Variants in UGT1A6 observed in about 807,000 individuals in gnomAD.
The protein encoded by UGT1A6 is UDP-glucuronosyltransferase 1A6.
A neutral mutation model predicts 44.4 loss-of-function variants in UGT1A6; 32 were observed. That is an observed-to-expected ratio of 0.72 (90% CI 0.54 to 0.97). The LOEUF (loss-of-function observed/expected upper bound fraction) is 0.97, where lower values mean the gene tolerates loss of function less well. UGT1A6 is among the 50% of genes least tolerant of loss of function. The pLI, the probability that UGT1A6 is intolerant of heterozygous loss-of-function variation, is 0.00. For missense variants in UGT1A6, 685 were observed against 661.9 expected, an observed-to-expected ratio of 1.03 and a Z score of -0.38; for synonymous variants, 238 against 248.5, an observed-to-expected ratio of 0.96 and a Z score of 0.40.
chr2:233,747,622 T>G, intron 1 of UGT1A6: 6 of 1,577,576 alleles, frequency 3.8e-6, no homozygotes, highest in Non-Finnish European at 5.2e-6. Context: ...AATGAGGCCC[T>G]GATCAGGCAC....
At chr2:233,761,102 T>C (rs1487885628) in intron 1 of UGT1A6, 1 of 1,614,116 alleles carries the variant, frequency 6.2e-7, no homozygotes, top group Admixed American at 1.7e-5. Context: ...ATGCCCAATA[T>C]GGTTTTTGTT....
At chr2:233,700,772 A>G (rs940098875) in intron 1 of UGT1A6, among the ~76,000 whole-genome samples, 4 of 151,978 alleles carry the variant, frequency 2.6e-5, no homozygotes, top group Admixed American at 2.6e-4. Context: ...TGCACAACGT[A>G]CAGGTTTGTT....
chr2:233,697,064 T>C (rs2075372984), intron 1 of UGT1A6, among the ~76,000 whole-genome samples: 1 of 152,012 alleles, frequency 6.6e-6, no homozygotes, highest in Non-Finnish European at 1.5e-5. Context: ...CCTTGTCTGG[T>C]TTTGGTATCA....
intron 1 of UGT1A6, among the ~76,000 whole-genome samples, chr2:233,725,264 G>GGAGGCA (rs551912265): frequency 0.04 from 2,355 of 58,498 alleles, 627 homozygotes; most frequent in African/African-American, 0.084. Flanking sequence ...CAGAGGCAGA[G>GGAGGCA]GAGGCAGAGG....
chr2:233,764,867 GCC>G (rs779119414), intron 1 of UGT1A6, among the ~76,000 whole-genome samples: 19,818 of 152,112 alleles, frequency 0.13, 1,414 homozygotes, highest in East Asian at 0.2. Flanking sequence ...TTTTAGATGA[GCC>G]CAAGGGAAAA....
intron 1 of UGT1A6, chr2:233,752,621 T>A (rs1428833052): frequency 3.3e-5 from 5 of 152,162 alleles, no homozygotes; most frequent in Admixed American, 3.3e-4. Context: ...TAGCTAGGTG[T>A]GGTAGCTGTT....
At chr2:233,753,850 C>G (rs929195641) in intron 1 of UGT1A6, among the ~76,000 whole-genome samples, 1 of 152,312 alleles carries the variant, frequency 6.6e-6, no homozygotes, top group Non-Finnish European at 1.5e-5. Flanking sequence ...ATATCATTGA[C>G]CAACCACATA....
At chr2:233,748,802 C>G (rs1371204556) in intron 1 of UGT1A6, among the ~76,000 whole-genome samples, 1 of 151,284 alleles carries the variant, frequency 6.6e-6, no homozygotes, top group African/African-American at 2.5e-5. Context: ...CTGAAATTAT[C>G]AAGAAATTGT....
At chr2:233,724,731 AG>A (rs1324353802) in intron 1 of UGT1A6, among the ~76,000 whole-genome samples, 1 of 143,714 alleles carries the variant, frequency 7.0e-6, no homozygotes, top group Non-Finnish European at 1.5e-5. Context: ...AGCCAGGCAG[AG>A]GGGCTCCTCA....
chr2:233,752,759 A>G (rs942722882), intron 1 of UGT1A6, among the ~76,000 whole-genome samples: 3 of 152,242 alleles, frequency 2.0e-5, no homozygotes, highest in African/African-American at 7.2e-5. Context: ...ACAAACAAAC[A>G]AACAAACAAA....
At chr2:233,744,012 G>A (rs541267003) in intron 1 of UGT1A6, 46 of 1,089,708 alleles carry the variant, frequency 4.2e-5, no homozygotes, top group Non-Finnish European at 4.8e-5. Context: ...GACCTGGGCC[G>A]CCTGGAGAGA....
At chr2:233,697,683 TC>T (rs1346047688) in intron 1 of UGT1A6, among the ~76,000 whole-genome samples, 1 of 152,134 alleles carries the variant, frequency 6.6e-6, no homozygotes. Context: ...TCAAAATATT[TC>T]TGCTTTTTGG....
intron 1 of UGT1A6, among the ~76,000 whole-genome samples, chr2:233,764,386 G>A (rs141556907): frequency 3.9e-5 from 6 of 152,290 alleles, no homozygotes; most frequent in Non-Finnish European, 7.4e-5. Context: ...GGAGTTGGCC[G>A]TGATGACAAC....
chr2:233,693,087 A>G lies in UGT1A6; in HGVS notation c.83A>G (p.Lys28Arg). 1 of 1,614,160 alleles carries G rather than the reference A, an allele frequency of 6.2e-7. No homozygotes were observed. The highest frequency in any genetic ancestry group is 1.1e-5 in the South Asian group (1 of 91,064). ...CTTTGGGGCATGGTTGTAGGTGACAAGCTGCTGGTGGTCCCTCAGGACGGA... is the reference window on the plus strand; with the variant it reads ...CTTTGGGGCATGGTTGTAGGTGACAGGCTGCTGGTGGTCCCTCAGGACGGA... ...LALWGMVVGD[K>R]LLVVPQDGSH... The change falls in exon 1 of 5, where the codon AAG becomes AGG. Residue 28 changes from lysine to arginine, a missense_variant. Transcript: ENST00000305139.
intron 1 of UGT1A6, among the ~76,000 whole-genome samples, chr2:233,731,040 C>T (rs1274870309): frequency 2.6e-5 from 4 of 152,166 alleles, no homozygotes; most frequent in African/African-American, 9.7e-5. Flanking sequence ...ATGTCATATT[C>T]ACCGAATGTG....
At chr2:233,770,165 A>G (rs941175167) in intron 4 of UGT1A6, 2 of 152,226 alleles carry the variant, frequency 1.3e-5, no homozygotes, top group Admixed American at 1.3e-4. Context: ...ACACAAATCA[A>G]TGAGCTCAAC....
intron 1 of UGT1A6, among the ~76,000 whole-genome samples, chr2:233,763,508 A>G (rs1374305000): frequency 6.6e-6 from 1 of 152,166 alleles, no homozygotes; most frequent in Non-Finnish European, 1.5e-5. Context: ...CTTTATGTTT[A>G]GTTGACTTTG....
intron 1 of UGT1A6, among the ~76,000 whole-genome samples, chr2:233,703,677 AT>A (rs1271383463): frequency 6.6e-5 from 10 of 151,954 alleles, no homozygotes; most frequent in African/African-American, 1.7e-4. Flanking sequence ...TTCATGATAT[AT>A]TTTTTTTCCA....
intron 1 of UGT1A6, chr2:233,719,665 C>A (rs761217423): frequency 6.2e-7 from 1 of 1,614,054 alleles, no homozygotes; most frequent in East Asian, 2.2e-5. Flanking sequence ...ATCAACTGTG[C>A]CAACGGGAAG....
Sources: allele counts gnomAD v4.1 joint callset (sites outside exome capture counted in the v4.1 genomes callset), GRCh38; gene constraint gnomAD v4.1.1; transcripts MANE v1.5; gene names NCBI Gene and HGNC (gene_info 2026-07-23, HGNC 2026-07-21).